Variants in MZT2B observed in about 807,000 individuals in gnomAD.
MZT2B encodes mitotic spindle organizing protein 2B.
A neutral mutation model predicts 12.1 loss-of-function variants in MZT2B; 11 were observed. The ratio of observed to expected loss-of-function variants is 0.91; its 90% CI spans 0.57 to 1.50. The LOEUF is 1.50. MZT2B is among the 40% of genes most tolerant of loss of function. The probability of loss-of-function intolerance (pLI) is 0.00; values close to 1 mark genes in which losing one functional copy is unlikely to be tolerated. For missense variants in MZT2B, 209 were observed against 227.7 expected (o/e 0.92, Z 0.53); for synonymous variants, 85 against 109.5 (o/e 0.78, Z 1.40).
downstream of MZT2B, chr2:130,195,144 C>A (rs150263746): frequency 6.2e-7 from 1 of 1,613,474 alleles, no homozygotes; most frequent in African/African-American, 1.3e-5. Flanking sequence ...TGGCCCCTGG[C>A]GTAATTACTG....
chr2:130,183,777 T>A (rs924046009), intron 2 of MZT2B: 2 of 1,550,532 alleles, frequency 1.3e-6, no homozygotes, highest in Non-Finnish European at 1.7e-6. Context: ...TGTCTCTCTC[T>A]GACCTCCAGA....
At chr2:130,203,010 G>A in the MZT2B span, among the ~76,000 whole-genome samples, 1 of 149,506 alleles carries the variant, frequency 6.7e-6, no homozygotes, top group Non-Finnish European at 1.5e-5. Flanking sequence ...ATTAAGTATA[G>A]TAATAACACA....
chr2:130,182,358 G>T lies in MZT2B; in HGVS notation c.76G>T (p.Ala26Ser), dbSNP rs773409032. ...GCTGGAGGCGGCCCGGCAGAAGCTG[G>T]CGCTGCGGCGGAAGAAGGTGCTGAG... Reference protein sequence around the residue: ...PGLEAARQKLALRRKKVLSTE... With the variant: ...PGLEAARQKLSLRRKKVLSTE... Residue 26 changes from alanine to serine, a missense_variant, in exon 1 of 3, where the codon GCG (alanine) becomes TCG (serine). Ala to Ser is a moderately conservative substitution (Grantham distance 99). Transcript: ENST00000281871. 15 of 1,538,906 alleles carry T rather than the reference G, an allele frequency of 9.7e-6. No homozygotes were observed. The highest frequency in any genetic ancestry group is 6.1e-6 in the Non-Finnish European group (7 of 1,147,246).
At chr2:130,182,048 A>T (rs1453068859), upstream of MZT2B, 18 of 1,337,406 alleles carry the variant, frequency 1.3e-5, no homozygotes, top group Middle Eastern at 3.0e-4. Context: ...CAAGCAGCGG[A>T]CCCCTGCGGT....
Position 130,182,673 on chromosome 2 carries a change from T to G in MZT2B, c.217T>G (p.Phe73Val). ...LKLNVAPLAV[F>V]QMLKSMCAGQ... ...GCTGAACGTGGCCCCCCTCGCCGTCTTCCAGATGCTCAAGTCCATGTGTGC... is the reference window on the plus strand; with the variant it reads ...GCTGAACGTGGCCCCCCTCGCCGTCGTCCAGATGCTCAAGTCCATGTGTGC... Residue 73 changes from phenylalanine to valine, a missense_variant, in exon 2 of 3, where the codon TTC becomes GTC. Physicochemically the swap from Phe to Val is conservative, Grantham distance 50. Coordinates refer to ENST00000281871, the MANE Select transcript of MZT2B (RefSeq NM_025029.5). 6.4e-7 allele frequency: 1 copy of G among 1,554,694 alleles called. No individual in the cohort carries two copies. Among genetic ancestry groups the G allele is most frequent in the Non-Finnish European group, 8.7e-7 (1 of 1,150,152 alleles).
chr2:130,181,795 A>T, upstream of MZT2B: 1 of 1,546,412 alleles, frequency 6.5e-7, no homozygotes, highest in East Asian at 2.5e-5. Context: ...CCGGCGCCCC[A>T]AGGTACTTTC....
chr2:130,190,448 T>C lies in MZT2B; in HGVS notation c.320-21T>C, dbSNP rs771297095. 3 of 1,611,902 alleles carry C rather than the reference T, an allele frequency of 1.9e-6. No individual in the cohort carries two copies. In the East Asian group the frequency reaches 6.7e-5, roughly 36 times the overall value. On this transcript the variant is annotated intron_variant, in intron 2 of 2. Coordinates refer to ENST00000281871, the MANE Select transcript of MZT2B (RefSeq NM_025029.5). Reference sequence around the variant, plus strand: ...TACGGGGCACGCCCATTCCTAATCATTGTGCTTTGTGTCTCCTCAGGGAGA... The same window carrying C: ...TACGGGGCACGCCCATTCCTAATCACTGTGCTTTGTGTCTCCTCAGGGAGA...
chr2:130,195,172 G>A (rs371380104), downstream of MZT2B: 72 of 1,613,894 alleles, frequency 4.5e-5, 2 homozygotes, highest in African/African-American at 5.3e-4. Context: ...CTTCCTTCCC[G>A]GTGATCAGCT....
chr2:130,194,301 C>T (rs550511590), downstream of MZT2B: 36 of 1,611,654 alleles, frequency 2.2e-5, no homozygotes, highest in Admixed American at 1.2e-4. Context: ...GGCTCCACCA[C>T]GGCTGTGGAG....
intron 2 of MZT2B, among the ~76,000 whole-genome samples, chr2:130,186,008 G>T (rs185340879): frequency 1.3e-5 from 2 of 152,284 alleles, no homozygotes; most frequent in African/African-American, 4.8e-5. Context: ...CACACCAGGA[G>T]TGTGCTGCTG....
At chr2:130,201,737 A>G in the MZT2B span, among the ~76,000 whole-genome samples, 1 of 152,202 alleles carries the variant, frequency 6.6e-6, no homozygotes, top group Non-Finnish European at 1.5e-5. Context: ...ACAATGCATC[A>G]TCAGGTAATT....
rs1975671 is a variant in MZT2B, at chr2:130,190,314, G to C, written c.320-155G>C. 0.36 allele frequency among the ~76,000 whole-genome samples: 55,419 copies of C among 152,164 alleles called. 10,526 individuals are homozygous for C. Among genetic ancestry groups the C allele is most frequent in the East Asian group, 0.46 (2,397 of 5,174 alleles). On this transcript the variant is annotated intron_variant, in intron 2 of 2. Coordinates refer to ENST00000281871, the MANE Select transcript of MZT2B (RefSeq NM_025029.5). ...GGCGTGACCTGTCTTTAGTGGTTCT[G>C]AGTCTCAGGACTTGGGGCTGATGCA...
chr2:130,191,911 G>C (rs772615594), downstream of MZT2B: 8 of 1,614,086 alleles, frequency 5.0e-6, no homozygotes, highest in Non-Finnish European at 6.8e-6. Flanking sequence ...AGAGCTGCCA[G>C]GTCCTCGCGG....
upstream of MZT2B, chr2:130,182,199 C>T: frequency 4.0e-6 from 5 of 1,250,962 alleles, no homozygotes; most frequent in Non-Finnish European, 5.0e-6. Flanking sequence ...GGAGGCCAGA[C>T]GTTGACGCTG....
chr2:130,193,838 A>T, downstream of MZT2B: 1 of 1,614,018 alleles, frequency 6.2e-7, no homozygotes, highest in Non-Finnish European at 8.5e-7. Flanking sequence ...CTTGGTCTTG[A>T]TGGTGGCGAT....
At chr2:130,191,548 A>G (rs1477353971), downstream of MZT2B, among the ~76,000 whole-genome samples, 1 of 152,218 alleles carries the variant, frequency 6.6e-6, no homozygotes, top group Non-Finnish European at 1.5e-5. Context: ...TAGGAAATCT[A>G]TACATTGAAC....
chr2:130,184,739 T>C (rs1490087567), intron 2 of MZT2B: 33 of 985,364 alleles, frequency 3.3e-5, no homozygotes, highest in Non-Finnish European at 3.6e-5. Context: ...AGAGTCCTTG[T>C]CACTCCAGGG....
chr2:130,195,253 G>A, downstream of MZT2B: 2 of 1,611,632 alleles, frequency 1.2e-6, no homozygotes, highest in Non-Finnish European at 1.7e-6. Context: ...TGTGTACTGT[G>A]AATTTTTAAG....
At chr2:130,197,492 CA>C in the MZT2B span, among the ~76,000 whole-genome samples, 101 of 44,376 alleles carry the variant, frequency 2.3e-3, 3 homozygotes, top group Non-Finnish European at 3.4e-3. Flanking sequence ...AGTGCTGTCT[CA>C]AAAAAAAAAA....
Sources: gnomAD v4.1 joint callset for allele counts (sites outside exome capture counted in the v4.1 genomes callset) on GRCh38, gnomAD v4.1.1 for gene constraint, MANE v1.5 for transcripts, NCBI Gene and HGNC (gene_info 2026-07-23, HGNC 2026-07-21) for gene names.